The following TUSC1 variants were observed in gnomAD, a reference collection of about 807,000 sequenced individuals.
TUSC1 encodes tumor suppressor candidate gene 1 protein.
TUSC1 carries 8 observed loss-of-function variants against 5.2 expected under a neutral mutation model. That is an observed-to-expected ratio of 1.54 (90% confidence interval 0.90 to 2.77). The LOEUF (loss-of-function observed/expected upper bound fraction) is 2.77. TUSC1 is among the 30% of genes most tolerant of loss of function. The probability of loss-of-function intolerance (pLI) is 0.00; values close to 1 mark genes in which losing one functional copy is unlikely to be tolerated. For missense variants in TUSC1, 442 were observed against 324.2 expected, an observed-to-expected ratio of 1.36 and a Z score of -2.79; for synonymous variants, 192 against 144.2, an observed-to-expected ratio of 1.33 and a Z score of -2.37.
Position 25,678,194 on chromosome 9 carries a change from C to T in TUSC1, c.119G>A (p.Gly40Asp). 2.2e-6 allele frequency: 3 copies of T among 1,376,372 alleles called. No homozygotes were observed. The highest frequency in any genetic ancestry group is 2.8e-6 in the Non-Finnish European group (3 of 1,073,042). 85.3% of individuals were successfully genotyped at this position (1,376,372 alleles called of 1,614,324 possible). Reference protein sequence around the residue: ...GRARGGGSPSGGGGGVGWRGR... With the variant: ...GRARGGGSPSDGGGGVGWRGR... ...TCGCCAGCCCACGCCGCCGCCGCCG[C>T]CGCTGGGGCTGCCCCCACCACGAGC... The change falls in exon 1 of 1, where the codon GGC becomes GAC. Residue 40 changes from glycine to aspartate, a missense_variant. By Grantham distance (94) the Gly-to-Asp change is moderately conservative. Transcript: ENST00000358022.
rs72631814 is a variant in TUSC1, at chr9:25,678,124, G to C, written c.189C>G (p.Ala63=). 0.26 allele frequency: 408,562 copies of C among 1,548,934 alleles called. 56,115 individuals are homozygous for C. Among genetic ancestry groups the C allele is most frequent in the Non-Finnish European group, 0.29 (334,089 of 1,155,862 alleles). Residue 63 remains alanine, a synonymous_variant, in exon 1 of 1, where the codon GCC becomes GCG. Coordinates refer to ENST00000358022, the MANE Select transcript of TUSC1 (RefSeq NM_001004125.3). ...GARQQLEERF[A]DLAASHLEAI... ...CCTCCAAGTGGCTCGCCGCCAGGTC[G>C]GCAAACCGCTCCTCCAGCTGCTGTC...
rs769238561 is a variant in TUSC1 at position 25,677,774 on chromosome 9, C to G, written c.539G>C (p.Arg180Pro). 4 of 1,583,614 alleles carry G rather than the reference C, an allele frequency of 2.5e-6. No homozygotes were observed. The highest frequency in any genetic ancestry group is 2.6e-6 in the Non-Finnish European group (3 of 1,165,774). Residue 180 changes from arginine to proline, a missense_variant, in exon 1 of 1, where the codon CGT becomes CCT. Physicochemically the swap from Arg to Pro is moderately radical, Grantham distance 103. Coordinates refer to ENST00000358022, the MANE Select transcript of TUSC1 (RefSeq NM_001004125.3). ...CTGCTCCTCCTTGTCCCCGCTCGGA[C>G]GTGGTCCCCGCTGCTCGAGGTGCAG... Reference protein sequence around the residue: ...LQLHLEQRGPRPSGDKEEQPL... With the variant: ...LQLHLEQRGPPPSGDKEEQPL...
In TUSC1 at chr9:25,677,456, AACTGT is replaced by A; in HGVS notation, c.*222_*226del. Reference sequence around the variant, plus strand: ...AACTAGCCGGGGCAAGAGGCAGGGGAACTGTACATGTGGGAGGTCCTGAGGGCCCT... The same window carrying A: ...AACTAGCCGGGGCAAGAGGCAGGGGAACATGTGGGAGGTCCTGAGGGCCCT... On this transcript the variant is annotated 3_prime_UTR_variant, in exon 1 of 1. Coordinates refer to ENST00000358022, the MANE Select transcript of TUSC1 (RefSeq NM_001004125.3). 1.4e-6 allele frequency: 1 copy of A among 692,708 alleles called. No homozygotes were observed. Among genetic ancestry groups the A allele is most frequent in the South Asian group, 2.7e-5 (1 of 37,068 alleles). 42.9% of individuals were successfully genotyped at this position (692,708 alleles called of 1,614,324 possible).
In TUSC1 at chr9:25,678,124, G is replaced by T. The variant is rs72631814; in HGVS notation, c.189C>A (p.Ala63=). The T allele has an allele frequency of 1.3e-6, 2 of 1,549,250 alleles. No homozygotes were observed. Among genetic ancestry groups the T allele is most frequent in the South Asian group, 2.4e-5 (2 of 84,294 alleles). The part of the protein sequence containing the change: ...GARQQLEERF[A]DLAASHLEAI... ...CCTCCAAGTGGCTCGCCGCCAGGTC[G>T]GCAAACCGCTCCTCCAGCTGCTGTC... The change falls in exon 1 of 1, where the codon GCC becomes GCA. Residue 63 remains alanine (A), a synonymous_variant. Transcript: ENST00000358022.
In TUSC1 at chr9:25,677,996, C is replaced by G. The variant is rs538209250; in HGVS notation, c.317G>C (p.Ser106Thr). Residue 106 changes from serine (S) to threonine (T), a missense_variant, in exon 1 of 1, where the codon AGC (serine) becomes ACC (threonine). Transcript: ENST00000358022. ...ENRRLKRENR[S>T]LFRQALRLPG... The stretch of plus-strand genomic sequence containing the variant: ...GAGCCGCAAAGCCTGACGGAAGAGG[C>G]TGCGGTTCTCGCGCTTCAGCCGCCG... 1.9e-6 allele frequency: 3 copies of G among 1,555,400 alleles called. No individual in the cohort carries two copies. The highest frequency in any genetic ancestry group is 2.6e-6 in the Non-Finnish European group (3 of 1,156,516).
In TUSC1 at chr9:25,678,056, A is replaced by C; in HGVS notation, c.257T>G (p.Leu86Arg). 1 of 1,585,632 alleles carries C rather than the reference A, an allele frequency of 6.3e-7. No individual in the cohort carries two copies. Among genetic ancestry groups the C allele is most frequent in the Non-Finnish European group, 8.5e-7 (1 of 1,172,342 alleles). ...RDEWDRQNAR[L>R]RQENARLRLE... ...CCGCAGCCGGGCGTTCTCCTGACGC[A>C]GCCGCGCGTTCTGCCGGTCCCACTC... Residue 86 changes from leucine (L) to arginine (R), a missense_variant, in exon 1 of 1, where the codon CTG becomes CGG. By Grantham distance (102) the Leu-to-Arg change is moderately radical (BLOSUM62 -2). Transcript: ENST00000358022.
In TUSC1 at chr9:25,678,259, G is replaced by T. The variant is rs1219804265; in HGVS notation, c.54C>A (p.Asp18Glu). Reference sequence around the variant, plus strand: ...CTGGCCCTCGGCCGTCCGCAGCACCGTCCCCGCCGCAGCAACTCCCGCGCC... The same window carrying T: ...CTGGCCCTCGGCCGTCCGCAGCACCTTCCCCGCCGCAGCAACTCCCGCGCC... ...ATRRGSCCGGDGAADGRGPGR... is the reference protein window; with the variant it reads ...ATRRGSCCGGEGAADGRGPGR... Residue 18 changes from aspartate to glutamate, a missense_variant, in exon 1 of 1, where the codon GAC becomes GAA. Asp to Glu is a conservative substitution (Grantham distance 45). Transcript: ENST00000358022. 1.6e-5 allele frequency: 23 copies of T among 1,450,796 alleles called. No individual in the cohort carries two copies. The highest frequency in any genetic ancestry group is 2.1e-5 in the Non-Finnish European group (23 of 1,104,156). 89.9% of individuals were successfully genotyped at this position (1,450,796 alleles called of 1,614,324 possible). A position where few individuals can be genotyped will look rare whatever the true frequency, so the allele number is the denominator to read the frequency against.
rs2118083846 is a variant in TUSC1 at position 25,677,571 on chromosome 9, A to T, written c.*112T>A. The T allele has an allele frequency of 7.0e-7, 1 of 1,433,958 alleles. No homozygotes were observed. Among genetic ancestry groups the T allele is most frequent in the Non-Finnish European group, 9.1e-7 (1 of 1,099,030 alleles). The allele number at this position is 1,433,958 out of a possible 1,614,324, so 88.8% of individuals were successfully genotyped here. ...TGGGGGCGGGAAGGCACCGTAGTCC[A>T]AGGTATCCGCGGGCAGGGAGCGGGC... On this transcript the variant is annotated 3_prime_UTR_variant, in exon 1 of 1. Coordinates refer to ENST00000358022, the MANE Select transcript of TUSC1 (RefSeq NM_001004125.3).
In TUSC1 at chr9:25,677,453, G is replaced by A. The variant is rs1046203979; in HGVS notation, c.*230C>T. Reference sequence around the variant, plus strand: ...GGAAACTAGCCGGGGCAAGAGGCAGGGGAACTGTACATGTGGGAGGTCCTG... The same window carrying A: ...GGAAACTAGCCGGGGCAAGAGGCAGAGGAACTGTACATGTGGGAGGTCCTG... On this transcript the variant is annotated 3_prime_UTR_variant, in exon 1 of 1. Coordinates refer to ENST00000358022, the MANE Select transcript of TUSC1 (RefSeq NM_001004125.3). 21 of 673,014 alleles carry A rather than the reference G, an allele frequency of 3.1e-5. No homozygotes were observed. The highest frequency in any genetic ancestry group is 1.1e-4 in the African/African-American group (6 of 54,154). 41.7% of individuals were successfully genotyped at this position (673,014 alleles called of 1,614,324 possible).
Position 25,678,057 on chromosome 9 carries a change from G to T in TUSC1, c.256C>A (p.Leu86Met). 1 of 1,586,026 alleles carries T rather than the reference G, an allele frequency of 6.3e-7. No homozygotes were observed. ...RDEWDRQNARLRQENARLRLE... is the reference protein window; with the variant it reads ...RDEWDRQNARMRQENARLRLE... The stretch of plus-strand genomic sequence containing the variant: ...CGCAGCCGGGCGTTCTCCTGACGCA[G>T]CCGCGCGTTCTGCCGGTCCCACTCG... The change falls in exon 1 of 1, where the codon CTG becomes ATG. Residue 86 changes from leucine (L) to methionine (M), a missense_variant. Leu to Met is a conservative substitution (Grantham distance 15). Coordinates refer to ENST00000358022, the MANE Select transcript of TUSC1 (RefSeq NM_001004125.3).
At position 25,677,574 on chromosome 9, in the gene TUSC1, G is replaced by A; in HGVS notation, c.*109C>T. 1 of 1,434,070 alleles carries A rather than the reference G, an allele frequency of 7.0e-7. No homozygotes were observed. The highest frequency in any genetic ancestry group is 9.1e-7 in the Non-Finnish European group (1 of 1,099,044). The allele number at this position is 1,434,070 out of a possible 1,614,324, so 88.8% of individuals were successfully genotyped here. A position where few individuals can be genotyped will look rare whatever the true frequency, so the allele number is the denominator to read the frequency against. On this transcript the variant is annotated 3_prime_UTR_variant, in exon 1 of 1. Transcript: ENST00000358022. ...GGGCGGGAAGGCACCGTAGTCCAAG[G>A]TATCCGCGGGCAGGGAGCGGGCCAG...
At position 25,677,609 on chromosome 9, in the gene TUSC1, G is replaced by A. The variant is rs1048144617; in HGVS notation, c.*74C>T. On this transcript the variant is annotated 3_prime_UTR_variant, in exon 1 of 1. Coordinates refer to ENST00000358022, the MANE Select transcript of TUSC1 (RefSeq NM_001004125.3). ...GCAGGGAGCGGGCCAGGGCGTGCGC[G>A]AGGTCGGGGGTAGCTGGGAACGGAG... The A allele has an allele frequency of 2.1e-6, 3 of 1,440,162 alleles. No homozygotes were observed. Among genetic ancestry groups the A allele is most frequent in the Non-Finnish European group, 2.7e-6 (3 of 1,102,370 alleles). 89.2% of individuals were successfully genotyped at this position (1,440,162 alleles called of 1,614,324 possible). A position where few individuals can be genotyped will look rare whatever the true frequency, so the allele number is the denominator to read the frequency against.
chr9:25,678,021 G>A lies in TUSC1; in HGVS notation c.292C>T (p.Arg98Trp), dbSNP rs1189544355. 3 of 1,564,676 alleles carry A rather than the reference G, an allele frequency of 1.9e-6. No homozygotes were observed. The highest frequency in any genetic ancestry group is 1.2e-5 in the South Asian group (1 of 85,944). ...QENARLRLEN[R>W]RLKRENRSLF... ...CTGCGGTTCTCGCGCTTCAGCCGCC[G>A]GTTCTCGAGCCGCAGCCGGGCGTTC... Residue 98 changes from arginine to tryptophan, a missense_variant, in exon 1 of 1, where the codon CGG becomes TGG. Arg to Trp is a moderately radical substitution (Grantham distance 101). Transcript: ENST00000358022.
In TUSC1 at chr9:25,677,549, G is replaced by C; in HGVS notation, c.*134C>G. ...GCCACCCGGAAGTGTCCACTGGTGG[G>C]GGCGGGAAGGCACCGTAGTCCAAGG... is the stretch of plus-strand genomic sequence containing the variant. On this transcript the variant is annotated 3_prime_UTR_variant, in exon 1 of 1. Transcript: ENST00000358022. The C allele has an allele frequency of 7.7e-6, 11 of 1,420,370 alleles. No homozygotes were observed. The highest frequency in any genetic ancestry group is 9.2e-6 in the Non-Finnish European group (10 of 1,087,430). The allele number at this position is 1,420,370 out of a possible 1,614,324, so 88.0% of individuals were successfully genotyped here.
At position 25,677,760 on chromosome 9, in the gene TUSC1, T is replaced by A. The variant is rs1416585202; in HGVS notation, c.553A>T (p.Lys185Ter). Residue 185 changes from lysine to a stop codon, truncating the protein, a stop_gained, in exon 1 of 1, where the codon AAG (lysine) becomes TAG (stop). Coordinates refer to ENST00000358022, the MANE Select transcript of TUSC1 (RefSeq NM_001004125.3). LOFTEE classifies it low-confidence loss of function (END_TRUNC). ...GGTTCCTGTAGAGGCTGCTCCTCCTTGTCCCCGCTCGGACGTGGTCCCCGC... is the reference window on the plus strand; with the variant it reads ...GGTTCCTGTAGAGGCTGCTCCTCCTAGTCCCCGCTCGGACGTGGTCCCCGC... ...EQRGPRPSGDKEEQPLQEPDS... is the reference protein window; with the variant it reads ...EQRGPRPSGD 1 of 1,580,378 alleles carries A rather than the reference T, an allele frequency of 6.3e-7. No homozygotes were observed. Among genetic ancestry groups the A allele is most frequent in the Non-Finnish European group, 8.6e-7 (1 of 1,163,886 alleles).
At position 25,678,263 on chromosome 9, in the gene TUSC1, C is replaced by A; in HGVS notation, c.50G>T (p.Gly17Val). 4.1e-6 allele frequency: 6 copies of A among 1,459,082 alleles called. No individual in the cohort carries two copies. Among genetic ancestry groups the A allele is most frequent in the South Asian group, 1.3e-5 (1 of 76,918 alleles). 90.4% of individuals were successfully genotyped at this position (1,459,082 alleles called of 1,614,324 possible). The change falls in exon 1 of 1, where the codon GGG (glycine) becomes GTG (valine). Residue 17 changes from glycine to valine, a missense_variant. Physicochemically the swap from Gly to Val is moderately radical, Grantham distance 109 (BLOSUM62 -3). Coordinates refer to ENST00000358022, the MANE Select transcript of TUSC1 (RefSeq NM_001004125.3). ...GATRRGSCCG[G>V]DGAADGRGPG... ...CCCTCGGCCGTCCGCAGCACCGTCC[C>A]CGCCGCAGCAACTCCCGCGCCTAGT...
At position 25,678,053 on chromosome 9, in the gene TUSC1, C is replaced by T. The variant is rs752301815; in HGVS notation, c.260G>A (p.Arg87His). The T allele has an allele frequency of 6.9e-6, 11 of 1,584,474 alleles. No homozygotes were observed. In the East Asian group the frequency reaches 2.5e-4, roughly 36 times the overall value. Residue 87 changes from arginine (R) to histidine (H), a missense_variant, in exon 1 of 1, where the codon CGT becomes CAT. Transcript: ENST00000358022. The part of the protein sequence containing the change: ...DEWDRQNARL[R>H]QENARLRLEN... ...GAGCCGCAGCCGGGCGTTCTCCTGA[C>T]GCAGCCGCGCGTTCTGCCGGTCCCA...
Position 25,677,841 on chromosome 9 carries a change from G to T in TUSC1, c.472C>A (p.Leu158Ile). 1 of 1,596,752 alleles carries T rather than the reference G, an allele frequency of 6.3e-7. No homozygotes were observed. Among genetic ancestry groups the T allele is most frequent in the Non-Finnish European group, 8.5e-7 (1 of 1,173,966 alleles). The change falls in exon 1 of 1, where the codon CTT becomes ATT. Residue 158 changes from leucine to isoleucine, a missense_variant. Leu to Ile is a conservative substitution (Grantham distance 5). Transcript: ENST00000358022. ...PGSPRALRAR[L>I]EKLEAMYRRA... ...CGGTACATGGCTTCCAGCTTCTCAA[G>T]TCGGGCCCTCAGGGCCCTGGGGCTG...
In TUSC1 at chr9:25,678,179, ACGCCGC is replaced by A. The variant is rs555576178; in HGVS notation, c.128_133del (p.Gly43_Gly44del). ...GCCGTCCGCGCGGCCTCGCCAGCCCACGCCGCCGCCGCCGCCGCTGGGGCTGCCCCC... is the reference window on the plus strand; with the variant it reads ...GCCGTCCGCGCGGCCTCGCCAGCCCACGCCGCCGCCGCTGGGGCTGCCCCC... On this transcript the variant is annotated inframe_deletion, in exon 1 of 1. Transcript: ENST00000358022. 13 of 1,384,810 alleles carry A rather than the reference ACGCCGC, an allele frequency of 9.4e-6. No individual in the cohort carries two copies. Among genetic ancestry groups the A allele is most frequent in the East Asian group, 6.1e-5 (2 of 32,712 alleles). The allele number at this position is 1,384,810 out of a possible 1,614,324, so 85.8% of individuals were successfully genotyped here.
Sources: gnomAD v4.1 joint callset for allele counts on GRCh38, gnomAD v4.1.1 for gene constraint, MANE v1.5 for transcripts, NCBI Gene and HGNC (gene_info 2026-07-23, HGNC 2026-07-21) for gene names.